The following C1orf54 variants were observed in gnomAD, a reference collection of about 807,000 sequenced individuals.
The protein encoded by C1orf54 is chromosome 1 open reading frame 54, also known as uncharacterized protein C1orf54.
Under a neutral mutation model 14.7 loss-of-function variants are expected in C1orf54, and 12 were observed. The observed-to-expected ratio is 0.82, with a 90% CI of 0.52 to 1.32. The LOEUF (loss-of-function observed/expected upper bound fraction) is 1.32, where lower values mean the gene tolerates loss of function less well. Among genes scored for constraint, C1orf54 ranks in the 40% most tolerant of loss-of-function variants. C1orf54 has a pLI of 0.00. For synonymous variants in C1orf54, 65 were observed against 56.3 expected (o/e 1.16, Z -0.70); for missense variants, 163 against 162.2 (o/e 1.00, Z -0.03).
upstream of C1orf54, among the ~76,000 whole-genome samples, chr1:150,270,918 C>T (rs111335655): frequency 1.4e-5 from 2 of 147,848 alleles, no homozygotes; most frequent in East Asian, 2.1e-4. Flanking sequence ...ATGGCGTGAA[C>T]CCAGGAGGCG....
At chr1:150,274,974 A>G (rs1356829934) in intron 2 of C1orf54, among the ~76,000 whole-genome samples, 1 of 151,280 alleles carries the variant, frequency 6.6e-6, no homozygotes, top group African/African-American at 2.4e-5. Context: ...AGATGGGAGG[A>G]TTGCTTGAGC....
intron 5 of C1orf54, 123 bp from the exon 6 acceptor site, chr1:150,280,712 G>A (rs899949241): frequency 1.4e-5 from 10 of 717,248 alleles, no homozygotes; most frequent in Non-Finnish European, 1.9e-5. Flanking sequence ...TCTTTCCCAG[G>A]AGCTATCACA....
At chr1:150,279,425 CAATT>C in intron 4 of C1orf54, among the ~76,000 whole-genome samples, 1 of 152,152 alleles carries the variant, frequency 6.6e-6, no homozygotes, top group South Asian at 2.1e-4. Context: ...AAAATAGAAA[CAATT>C]GAATTGAATT....
chr1:150,275,692 A>G (rs373248051), intron 2 of C1orf54, 49 bp from the exon 3 acceptor site: 15 of 1,440,534 alleles, frequency 1.0e-5, no homozygotes, highest in Admixed American at 1.7e-5. Context: ...TTCCAGATCT[A>G]GAGTTACATT....
At chr1:150,274,986 C>G (rs987416711) in intron 2 of C1orf54, among the ~76,000 whole-genome samples, 4 of 151,562 alleles carry the variant, frequency 2.6e-5, no homozygotes, top group Admixed American at 6.6e-5. Context: ...TGCTTGAGCC[C>G]AGGAGTTCAA....
chr1:150,273,567 T>C (rs1553851725), intron 1 of C1orf54, among the ~76,000 whole-genome samples: 2 of 152,238 alleles, frequency 1.3e-5, no homozygotes, highest in African/African-American at 4.8e-5. Flanking sequence ...TTAGTCCAGC[T>C]GACTCATTTT....
At position 150,272,982 on chromosome 1, in the gene C1orf54, C is replaced by T; in HGVS notation, c.46+119C>T. ...TCAGTGGGGAGCGATAGAGTTTTCT[C>T]ATCGTGCTGGGGTCCGGTGTTGAGG... On this transcript the variant is annotated intron_variant, in intron 1 of 5. Transcript: ENST00000369099. 4 of 1,165,710 alleles carry T rather than the reference C, an allele frequency of 3.4e-6. No homozygotes were observed. In the South Asian group the frequency reaches 5.1e-5, roughly 15 times the overall value. The allele number at this position is 1,165,710 out of a possible 1,614,324, so 72.2% of individuals were successfully genotyped here.
intron 2 of C1orf54, 42 bp from the exon 3 acceptor site, chr1:150,275,699 C>T: frequency 4.0e-6 from 6 of 1,502,536 alleles, no homozygotes; most frequent in South Asian, 2.3e-5. Context: ...TCTAGAGTTA[C>T]ATTTTTCTTT....
intron 4 of C1orf54, 147 bp downstream of exon 4, chr1:150,276,779 T>C (rs1456397236): frequency 3.5e-5 from 23 of 660,770 alleles, no homozygotes; most frequent in Non-Finnish European, 5.6e-5. Context: ...AACTTGGCCA[T>C]GTTTCACTAA....
chr1:150,278,104 A>G (rs1652815369), intron 4 of C1orf54, among the ~76,000 whole-genome samples: 1 of 366 alleles, frequency 2.7e-3, no homozygotes, highest in Admixed American at 0.036. Flanking sequence ...TCTCAAAAAA[A>G]GAAAAAGAAA....
At chr1:150,268,879 G>A, upstream of C1orf54, 1 of 1,428,320 alleles carries the variant, frequency 7.0e-7, no homozygotes, top group East Asian at 2.5e-5. Flanking sequence ...GCGCCAGCTG[G>A]GGAGTCCGCG....
chr1:150,272,678 C>T (rs1453458943), upstream of C1orf54: 10 of 788,662 alleles, frequency 1.3e-5, no homozygotes, highest in East Asian at 2.6e-5. Flanking sequence ...AGCCAGTAGG[C>T]GGGGAGTTCT....
rs1652931662 is a variant in C1orf54 at position 150,279,570 on chromosome 1, T to C, written c.301-73T>C. 6.5e-6 allele frequency: 9 copies of C among 1,385,116 alleles called. No homozygotes were observed. In the South Asian group the frequency reaches 1.1e-4, roughly 17 times the overall value. 85.8% of individuals were successfully genotyped at this position (1,385,116 alleles called of 1,614,324 possible). On this transcript the variant is annotated intron_variant, in intron 4 of 5. Coordinates refer to ENST00000369099, the MANE Select transcript of C1orf54 (RefSeq NM_024579.4). ...GTTGTTGTAAAGAGGTGGCAGTCTT[T>C]CTGGAGGGGGACAGAGAAGTGGTAG...
chr1:150,276,673 A>G, intron 4 of C1orf54, 41 bp downstream of exon 4: 1 of 1,501,400 alleles, frequency 6.7e-7, no homozygotes, highest in Non-Finnish European at 9.3e-7. Context: ...GAGACAGGAC[A>G]TCCCTAGTGA....
chr1:150,275,650 A>T, intron 2 of C1orf54, 91 bp from the exon 3 acceptor site: 1 of 1,028,020 alleles, frequency 9.7e-7, no homozygotes, highest in Non-Finnish European at 1.5e-6. Context: ...AACTTAAGTT[A>T]AACTATTCTG....
At chr1:150,269,477 A>T (rs1170253964), upstream of C1orf54, 3 of 152,548 alleles carry the variant, frequency 2.0e-5, no homozygotes, top group Admixed American at 2.0e-4. Flanking sequence ...CGGACAGACT[A>T]GTATAATAAA....
chr1:150,274,661 C>G (rs1345991516), intron 2 of C1orf54, among the ~76,000 whole-genome samples: 1 of 150,724 alleles, frequency 6.6e-6, no homozygotes, highest in Non-Finnish European at 1.5e-5. Context: ...GCCTGTAATC[C>G]CAGCACTTTG....
At chr1:150,269,385 T>C (rs1572092643), upstream of C1orf54, 3 of 155,950 alleles carry the variant, frequency 1.9e-5, no homozygotes, top group East Asian at 5.7e-4. Flanking sequence ...TAGGGACGGG[T>C]ATTGTTCTTA....
At chr1:150,272,149 A>C (rs1207135752), upstream of C1orf54, 1 of 149,200 alleles carries the variant, frequency 6.7e-6, no homozygotes, top group Admixed American at 6.6e-5. Context: ...CAAAAAAAAA[A>C]CAAAGAGGTG....
Sources: allele counts gnomAD v4.1 joint callset (sites outside exome capture counted in the v4.1 genomes callset), GRCh38; gene constraint gnomAD v4.1.1; transcripts MANE v1.5; gene names NCBI Gene and HGNC (gene_info 2026-07-23, HGNC 2026-07-21).